The following CLOCK variants were observed in gnomAD, a reference collection of about 807,000 sequenced individuals.
CLOCK encodes clock circadian regulator.
CLOCK carries 43 observed loss-of-function variants against 118.4 expected under a neutral mutation model. The observed-to-expected ratio is 0.36, with a 90% CI of 0.28 to 0.47. The LOEUF is 0.47. CLOCK is among the 20% of genes least tolerant of loss of function. CLOCK has a pLI of 1.00. For synonymous variants in CLOCK, 326 were observed against 339.2 expected, an observed-to-expected ratio of 0.96 and a Z score of 0.43; for missense variants, 846 against 999.9, an observed-to-expected ratio of 0.85 and a Z score of 2.08.
chr4:55,461,225 G>A (rs1231383811), intron 9 of CLOCK, among the ~76,000 whole-genome samples: 1 of 152,128 alleles, frequency 6.6e-6, no homozygotes, highest in Non-Finnish European at 1.5e-5. Context: ...ACTGTGCTCA[G>A]CCCATCCTTA....
At chr4:55,539,526 T>TCA (rs1330872678) in intron 1 of CLOCK, among the ~76,000 whole-genome samples, 5 of 129,646 alleles carry the variant, frequency 3.9e-5, no homozygotes, top group Non-Finnish European at 6.2e-5. Context: ...TGAGCCATGT[T>TCA]CACACCACTA....
chr4:55,528,923 T>C (rs1205951548), intron 1 of CLOCK, among the ~76,000 whole-genome samples: 1 of 152,220 alleles, frequency 6.6e-6, no homozygotes, highest in Non-Finnish European at 1.5e-5. Context: ...TCTTTTGCCC[T>C]AAACCTAACT....
chr4:55,534,889 C>G (rs953492053), intron 1 of CLOCK, among the ~76,000 whole-genome samples: 1 of 151,700 alleles, frequency 6.6e-6, no homozygotes, highest in Non-Finnish European at 1.5e-5. Flanking sequence ...AAATACAACC[C>G]TAAACAAAAT....
Position 55,427,989 on chromosome 4 carries a change from T to G in CLOCK, c.*7426A>C, listed in dbSNP as rs1722305619. The G allele has an allele frequency of 1.3e-5, 2 of 152,358 alleles. No individual in the cohort carries two copies. Among genetic ancestry groups the G allele is most frequent in the Admixed American group, 1.3e-4 (2 of 15,290 alleles). 9.4% of individuals were successfully genotyped at this position (152,358 alleles called of 1,614,324 possible). On this transcript the variant is annotated 3_prime_UTR_variant, in exon 23 of 23. Transcript: ENST00000513440. ...AGTTATGTGCCACATGAAGCAGGTG[T>G]TATTTTTTGAGAAATGCAGGTGATA...
intron 2 of CLOCK, among the ~76,000 whole-genome samples, chr4:55,494,504 G>A (rs1425202375): frequency 1.3e-5 from 2 of 152,016 alleles, no homozygotes; most frequent in Non-Finnish European, 2.9e-5. Flanking sequence ...CAGAAAGAAC[G>A]GTCAAAAAGA....
chr4:55,532,998 C>T (rs1253586027), intron 1 of CLOCK, among the ~76,000 whole-genome samples: 2 of 152,106 alleles, frequency 1.3e-5, no homozygotes, highest in African/African-American at 4.8e-5. Context: ...AAAAACATTC[C>T]GTGTTTTTAA....
At position 55,449,942 on chromosome 4, in the gene CLOCK, C is replaced by T. The variant is rs571236494; in HGVS notation, c.1348+149G>A. On this transcript the variant is annotated intron_variant, in intron 16 of 22. Coordinates refer to ENST00000513440, the MANE Select transcript of CLOCK (RefSeq NM_004898.4). ...ATTCTTTGCTGAAAGTGGGCAATGTCCCTTTAACTCACTGGAAAGGTTACT... is the reference window on the plus strand; with the variant it reads ...ATTCTTTGCTGAAAGTGGGCAATGTTCCTTTAACTCACTGGAAAGGTTACT... 1.7e-5 allele frequency: 16 copies of T among 935,180 alleles called. No individual in the cohort carries two copies. The East Asian group carries it at 2.6e-4, about 15-fold the overall frequency. The allele number at this position is 935,180 out of a possible 1,614,324, so 57.9% of individuals were successfully genotyped here. A position where few individuals can be genotyped will look rare whatever the true frequency, so the allele number is the denominator to read the frequency against.
intron 20 of CLOCK, 40 bp downstream of exon 20, chr4:55,443,647 C>T: frequency 6.7e-7 from 1 of 1,496,998 alleles, no homozygotes; most frequent in Non-Finnish European, 9.3e-7. Context: ...GCCTTCCAAC[C>T]ACTGATCACT....
chr4:55,504,209 C>T (rs1419331410), intron 2 of CLOCK, among the ~76,000 whole-genome samples: 4 of 145,780 alleles, frequency 2.7e-5, no homozygotes, highest in Non-Finnish European at 6.0e-5. Context: ...TCACGTGAAC[C>T]CGAGAGGTGG....
chr4:55,462,704 C>A (rs1380863846), intron 9 of CLOCK, among the ~76,000 whole-genome samples: 3 of 152,132 alleles, frequency 2.0e-5, no homozygotes, highest in Non-Finnish European at 2.9e-5. Context: ...TTCTAAGTAC[C>A]AGACTAGAGT....
intron 1 of CLOCK, among the ~76,000 whole-genome samples, chr4:55,533,406 A>C (rs1186798765): frequency 6.6e-6 from 1 of 152,226 alleles, no homozygotes; most frequent in East Asian, 1.9e-4. Context: ...GGGAAAACTG[A>C]ATATCCACAT....
At chr4:55,511,729 A>C (rs921893340) in intron 1 of CLOCK, among the ~76,000 whole-genome samples, 3 of 152,148 alleles carry the variant, frequency 2.0e-5, no homozygotes, top group African/African-American at 7.2e-5. Flanking sequence ...GAATAGTTTC[A>C]TCGGCCTAAA....
Position 55,459,313 on chromosome 4 carries a change from T to C in CLOCK, c.560-52A>G, listed in dbSNP as rs143260376. ...ACATATTTCTGATATAAAACAATGATTGATATACCACATAAAGTAAGATCA... is the reference window on the plus strand; with the variant it reads ...ACATATTTCTGATATAAAACAATGACTGATATACCACATAAAGTAAGATCA... On this transcript the variant is annotated intron_variant, in intron 9 of 22. Transcript: ENST00000513440. 869 of 1,010,190 alleles carry C rather than the reference T, an allele frequency of 8.6e-4. 5 individuals carry two copies. The African/African-American group carries it at 0.012, about 14-fold the overall frequency. The allele number at this position is 1,010,190 out of a possible 1,614,324, so 62.6% of individuals were successfully genotyped here.
At chr4:55,527,257 T>G in intron 1 of CLOCK, among the ~76,000 whole-genome samples, 1 of 152,088 alleles carries the variant, frequency 6.6e-6, no homozygotes, top group South Asian at 2.1e-4. Context: ...GGTAAGGAGA[T>G]TAAGATATAG....
intron 2 of CLOCK, among the ~76,000 whole-genome samples, chr4:55,503,333 A>T (rs1225784008): frequency 6.6e-6 from 1 of 152,236 alleles, no homozygotes; most frequent in African/African-American, 2.4e-5. Context: ...CCACTGCTAC[A>T]TGCATCAACA....
chr4:55,476,819 G>A (rs893299218), intron 6 of CLOCK, among the ~76,000 whole-genome samples: 2 of 151,952 alleles, frequency 1.3e-5, no homozygotes, highest in Non-Finnish European at 2.9e-5. Flanking sequence ...TTTTAATGTA[G>A]ACATATTAAA....
chr4:55,537,223 CT>C (rs1730962029), intron 1 of CLOCK, among the ~76,000 whole-genome samples: 1 of 152,150 alleles, frequency 6.6e-6, no homozygotes, highest in Admixed American at 6.6e-5. Context: ...AGGCTCACAT[CT>C]GTATCCCAGC....
chr4:55,479,067 C>A (rs1184589034), intron 5 of CLOCK, 104 bp from the exon 6 acceptor site: 6 of 963,090 alleles, frequency 6.2e-6, no homozygotes, highest in South Asian at 1.7e-5. Flanking sequence ...CTTCTATCAA[C>A]ATAGATGGTA....
Position 55,429,928 on chromosome 4 carries a change from T to C in CLOCK, c.*5487A>G, listed in dbSNP as rs1447649891. ...AGTAGATTCAGACTGTCCGTAAAGA[T>C]TATCATGAGAGTTGGTGACTGCACC... On this transcript the variant is annotated 3_prime_UTR_variant, in exon 23 of 23. Coordinates refer to ENST00000513440, the MANE Select transcript of CLOCK (RefSeq NM_004898.4). 1 of 152,154 alleles carries C rather than the reference T, an allele frequency of 6.6e-6. No individual in the cohort carries two copies. The highest frequency in any genetic ancestry group is 2.4e-5 in the African/African-American group (1 of 41,416). 9.4% of individuals were successfully genotyped at this position (152,154 alleles called of 1,614,324 possible). A position where few individuals can be genotyped will look rare whatever the true frequency, so the allele number is the denominator to read the frequency against.
Sources: allele counts gnomAD v4.1 joint callset (sites outside exome capture counted in the v4.1 genomes callset), GRCh38; gene constraint gnomAD v4.1.1; transcripts MANE v1.5; gene names NCBI Gene and HGNC (gene_info 2026-07-23, HGNC 2026-07-21).